Variants in CDH3 observed in about 807,000 individuals in gnomAD.
The protein encoded by CDH3 is cadherin 3.
In CDH3, 54 loss-of-function variants were observed where a neutral mutation model predicts 82.0. The ratio of observed to expected loss-of-function variants is 0.66; its 90% CI spans 0.53 to 0.83. The LOEUF is 0.83. Among genes scored for constraint, CDH3 ranks in the 40% least tolerant of loss-of-function variants. The pLI is 0.00. For missense variants in CDH3, 1,054 were observed against 1,084.6 expected (o/e 0.97, Z 0.40); for synonymous variants, 446 against 437.9 (o/e 1.02, Z -0.23).
At chr16:68,725,265 T>C (rs1962207063) in intron 2 of CDH3, among the ~76,000 whole-genome samples, 1 of 152,076 alleles carries the variant, frequency 6.6e-6, no homozygotes, top group South Asian at 2.1e-4. Context: ...CTGAGTAATG[T>C]GGAATATGGA....
intron 12 of CDH3, among the ~76,000 whole-genome samples, chr16:68,690,108 A>G (rs1312717731): frequency 6.6e-6 from 1 of 152,078 alleles, no homozygotes; most frequent in Non-Finnish European, 1.5e-5. Context: ...AGTGGTGCCC[A>G]GTGTGCAGGC....
At chr16:68,683,513 G>A (rs533719241) in intron 9 of CDH3, among the ~76,000 whole-genome samples, 2 of 151,768 alleles carry the variant, frequency 1.3e-5, no homozygotes, top group East Asian at 1.9e-4. Flanking sequence ...TTAGCTGGGC[G>A]TGGTGGCAGG....
At chr16:68,719,234 G>C (rs1291585772) in intron 1 of CDH3, among the ~76,000 whole-genome samples, 1 of 137,936 alleles carries the variant, frequency 7.2e-6, no homozygotes, top group East Asian at 2.1e-4. Flanking sequence ...AAAAGAGTGA[G>C]ACTCCGTCTC....
chr16:68,678,324 C>T (rs1961094527), intron 4 of CDH3, 47 bp downstream of exon 4: 1 of 1,608,768 alleles, frequency 6.2e-7, no homozygotes, highest in Non-Finnish European at 8.5e-7. Flanking sequence ...TCCAGGGACC[C>T]CCATCCAAAG....
chr16:68,657,764 T>C (rs201481901), intron 2 of CDH3, among the ~76,000 whole-genome samples: 146 of 152,074 alleles, frequency 9.6e-4, no homozygotes, highest in Non-Finnish European at 1.8e-3. Context: ...AATGGGGAGG[T>C]ATAATCCCAG....
chr16:68,682,346 G>C lies in CDH3; in HGVS notation c.1041G>C (p.Gln347His), dbSNP rs1265762629. The change falls in exon 9 of 16, where the codon CAG (glutamine) becomes CAC (histidine). Residue 347 changes from glutamine to histidine, a missense_variant. Physicochemically the swap from Gln to His is conservative, Grantham distance 24 (BLOSUM62 0). Coordinates refer to ENST00000264012, the MANE Select transcript of CDH3 (RefSeq NM_001793.6). ...VPENAVGHEV[Q>H]RLTVTDLDAP... ...AGAATGCAGTGGGCCATGAGGTGCA[G>C]AGGCTGACGGTCACTGATCTGGACG... 1.2e-6 allele frequency: 2 copies of C among 1,614,032 alleles called. No individual in the cohort carries two copies. Among genetic ancestry groups the C allele is most frequent in the Admixed American group, 3.3e-5 (2 of 60,026 alleles).
chr16:68,650,129 G>A (rs1382509327), intron 2 of CDH3, among the ~76,000 whole-genome samples: 1 of 151,950 alleles, frequency 6.6e-6, no homozygotes, highest in Non-Finnish European at 1.5e-5. Flanking sequence ...CTGCTCCCTT[G>A]TGCAGGCCTC....
At chr16:68,669,929 G>C (rs1960839714) in intron 2 of CDH3, among the ~76,000 whole-genome samples, 1 of 151,782 alleles carries the variant, frequency 6.6e-6, no homozygotes, top group Non-Finnish European at 1.5e-5. Context: ...GACCAGCCTG[G>C]GAAACAGCAA....
chr16:68,651,279 G>A (rs1218906500), intron 2 of CDH3: 52 of 545,220 alleles, frequency 9.5e-5, no homozygotes. Flanking sequence ...TGTGCAGCTG[G>A]GTCCAGGGAG....
At chr16:68,691,458 C>A (rs923273533) in intron 12 of CDH3, among the ~76,000 whole-genome samples, 1 of 152,112 alleles carries the variant, frequency 6.6e-6, no homozygotes, top group Non-Finnish European at 1.5e-5. Context: ...TTTAAAACTT[C>A]ATGTTATAAA....
At position 68,678,209 on chromosome 16, in the gene CDH3, G is replaced by C. The variant is rs2152099845; in HGVS notation, c.322G>C (p.Asp108His). 2 of 1,613,786 alleles carry C rather than the reference G, an allele frequency of 1.2e-6. No individual in the cohort carries two copies. Among genetic ancestry groups the C allele is most frequent in the African/African-American group, 2.7e-5 (2 of 75,048 alleles). Residue 108 changes from aspartate (D) to histidine (H), a missense_variant, in exon 4 of 16, where the codon GAT becomes CAT. Asp to His is a moderately conservative substitution (Grantham distance 81). Coordinates refer to ENST00000264012, the MANE Select transcript of CDH3 (RefSeq NM_001793.6). ...ACGTATCTTACGAAGACACAAGAGAGATTGGGTGGTTGCTCCAATATCTGT... is the reference window on the plus strand; with the variant it reads ...ACGTATCTTACGAAGACACAAGAGACATTGGGTGGTTGCTCCAATATCTGT... ...SKRILRRHKR[D>H]WVVAPISVPE...
intron 10 of CDH3, among the ~76,000 whole-genome samples, 176 bp from the exon 11 acceptor site, chr16:68,685,029 T>C (rs1961364874): frequency 6.6e-6 from 1 of 152,194 alleles, no homozygotes; most frequent in South Asian, 2.1e-4. Context: ...CATGTATCCC[T>C]CCTGGGACTC....
rs1238279692 is a variant in CDH3, at chr16:68,700,063, A to G, written c.*1663A>G. 6.6e-6 allele frequency: 1 copy of G among 152,160 alleles called. No individual in the cohort carries two copies. Among genetic ancestry groups the G allele is most frequent in the African/African-American group, 2.4e-5 (1 of 41,436 alleles). 9.4% of individuals were successfully genotyped at this position (152,160 alleles called of 1,614,324 possible). On this transcript the variant is annotated 3_prime_UTR_variant, in exon 16 of 16. Coordinates refer to ENST00000264012, the MANE Select transcript of CDH3 (RefSeq NM_001793.6). Reference sequence around the variant, plus strand: ...TAAATGACATCTGGTCATCATCGAAATCAAGCAAAACAAAATTAAGAGAAC... The same window carrying G: ...TAAATGACATCTGGTCATCATCGAAGTCAAGCAAAACAAAATTAAGAGAAC...
intron 2 of CDH3, among the ~76,000 whole-genome samples, chr16:68,659,196 A>T (rs117871851): frequency 2.4e-3 from 371 of 152,282 alleles, no homozygotes; most frequent in Middle Eastern, 6.8e-3. Context: ...AGTAAGTAGT[A>T]GAGCTCAGAT....
intron 2 of CDH3, among the ~76,000 whole-genome samples, chr16:68,676,141 C>T (rs369213912): frequency 3.5e-4 from 54 of 152,274 alleles, no homozygotes; most frequent in African/African-American, 1.2e-3. Context: ...GGACCAAGAA[C>T]AAAGAAGAGT....
At chr16:68,717,067 A>G (rs548377360) in intron 1 of CDH3, among the ~76,000 whole-genome samples, 44 of 152,038 alleles carry the variant, frequency 2.9e-4, no homozygotes, top group Non-Finnish European at 2.1e-4. Context: ...GTCTGAAGAG[A>G]CAAAGGTTGG....
chr16:68,680,726 G>T (rs762679797), intron 7 of CDH3, among the ~76,000 whole-genome samples: 1 of 152,132 alleles, frequency 6.6e-6, no homozygotes, highest in Non-Finnish European at 1.5e-5. Flanking sequence ...GTCAGGGGGC[G>T]ATGCCAAGGC....
rs1961808138 is a variant in CDH3 at position 68,698,346 on chromosome 16, G to A, written c.2436G>A (p.Trp812Ter). ...AAGATTACGATTATCTGAACGAGTGGGGCAGCCGCTTCAAGAAGCTGGCAG... is the reference window on the plus strand; with the variant it reads ...AAGATTACGATTATCTGAACGAGTGAGGCAGCCGCTTCAAGAAGCTGGCAG... Reference protein sequence around the residue: ...QDQDYDYLNEWGSRFKKLADM... With the variant: ...QDQDYDYLNE Residue 812 changes from tryptophan (W) to a stop codon, truncating the protein, a stop_gained, in exon 16 of 16, where the codon TGG becomes TGA. Transcript: ENST00000264012. LOFTEE classifies it high-confidence loss of function. 6 of 1,614,200 alleles carry A rather than the reference G, an allele frequency of 3.7e-6. No homozygotes were observed. Among genetic ancestry groups the A allele is most frequent in the Non-Finnish European group, 4.2e-6 (5 of 1,180,010 alleles).
chr16:68,669,419 C>G (rs1453959931), intron 2 of CDH3, among the ~76,000 whole-genome samples: 2 of 152,138 alleles, frequency 1.3e-5, no homozygotes, highest in African/African-American at 4.8e-5. Flanking sequence ...AATACATGAC[C>G]GTTGGCTTCC....
Sources: allele counts gnomAD v4.1 joint callset (sites outside exome capture counted in the v4.1 genomes callset), GRCh38; gene constraint gnomAD v4.1.1; transcripts MANE v1.5; gene names NCBI Gene and HGNC (gene_info 2026-07-23, HGNC 2026-07-21).